Variants in DPYD observed in about 807,000 individuals in gnomAD.
DPYD encodes dihydropyrimidine dehydrogenase, also known as dihydropyrimidine dehydrogenase [NADP(+)].
DPYD carries 109 observed loss-of-function variants against 116.2 expected under a neutral mutation model. That is an observed-to-expected ratio of 0.94 (90% CI 0.80 to 1.10). The LOEUF is 1.10. Among genes scored for constraint, DPYD ranks in the 50% least tolerant of loss-of-function variants. DPYD has a pLI of 0.00. For missense variants in DPYD, 1,302 were observed against 1,254.5 expected (o/e 1.04, Z -0.57); for synonymous variants, 440 against 432.0 (o/e 1.02, Z -0.23).
At chr1:97,333,648 G>A (rs1329223184) in intron 16 of DPYD, among the ~76,000 whole-genome samples, 1 of 149,402 alleles carries the variant, frequency 6.7e-6, no homozygotes, top group Non-Finnish European at 1.5e-5. Context: ...AGCCTCCCGA[G>A]TAGCCGGGAT....
chr1:97,458,462 A>C (rs977801290), intron 13 of DPYD, among the ~76,000 whole-genome samples: 1 of 152,170 alleles, frequency 6.6e-6, no homozygotes, highest in African/African-American at 2.4e-5. Context: ...AATTTCTGAG[A>C]GATCAGAAAT....
intron 13 of DPYD, among the ~76,000 whole-genome samples, chr1:97,468,308 T>C (rs556197359): frequency 1.3e-5 from 2 of 152,350 alleles, no homozygotes; most frequent in South Asian, 4.1e-4. Context: ...CCCTTCAAAA[T>C]TCATATTTTA....
chr1:97,271,778 T>C (rs59057408), intron 18 of DPYD, among the ~76,000 whole-genome samples: 163 of 152,266 alleles, frequency 1.1e-3, no homozygotes, highest in African/African-American at 3.8e-3. Context: ...TGGTGAACTA[T>C]TGAATCACAA....
chr1:97,315,957 C>G (rs1356597718), intron 16 of DPYD, among the ~76,000 whole-genome samples: 2 of 151,940 alleles, frequency 1.3e-5, no homozygotes, highest in Admixed American at 6.6e-5. Flanking sequence ...CAGAGACATC[C>G]TTAAAGAGTT....
chr1:97,266,574 C>A (rs1200940118), intron 18 of DPYD, among the ~76,000 whole-genome samples: 1 of 152,070 alleles, frequency 6.6e-6, no homozygotes, highest in African/African-American at 2.4e-5. Context: ...TACATGTGCA[C>A]AACGGGCAGG....
intron 11 of DPYD, among the ~76,000 whole-genome samples, chr1:97,552,600 T>C (rs983786461): frequency 1.3e-5 from 2 of 152,124 alleles, no homozygotes; most frequent in Non-Finnish European, 2.9e-5. Context: ...ATGTATACTT[T>C]TAAAAATAAG....
intron 8 of DPYD, among the ~76,000 whole-genome samples, chr1:97,652,613 G>T (rs1265777750): frequency 6.6e-6 from 1 of 152,148 alleles, no homozygotes. Flanking sequence ...ATATTATCAA[G>T]ATTTCATTCA....
At chr1:97,286,729 G>T (rs1665714148) in intron 18 of DPYD, among the ~76,000 whole-genome samples, 1 of 152,108 alleles carries the variant, frequency 6.6e-6, no homozygotes, top group African/African-American at 2.4e-5. Context: ...TGAGGCTTCT[G>T]CATTCTTCAC....
intron 11 of DPYD, among the ~76,000 whole-genome samples, chr1:97,560,845 C>T (rs1055926204): frequency 6.6e-6 from 1 of 152,022 alleles, no homozygotes; most frequent in Non-Finnish European, 1.5e-5. Flanking sequence ...TGATGAGATG[C>T]CATCAGAGCT....
chr1:97,171,289 A>G (rs1353621513), intron 20 of DPYD, among the ~76,000 whole-genome samples: 1 of 152,106 alleles, frequency 6.6e-6, no homozygotes, highest in Admixed American at 6.6e-5. Flanking sequence ...AATTTATCCT[A>G]AGTTCACTGA....
intron 14 of DPYD, among the ~76,000 whole-genome samples, chr1:97,394,620 T>C (rs1490108744): frequency 6.6e-6 from 1 of 152,012 alleles, no homozygotes; most frequent in Admixed American, 6.6e-5. Context: ...TACCAAAATA[T>C]GAACACAGAA....
At chr1:97,716,417 G>A (rs1438823553) in intron 5 of DPYD, among the ~76,000 whole-genome samples, 2 of 151,966 alleles carry the variant, frequency 1.3e-5, no homozygotes, top group Admixed American at 1.3e-4. Context: ...GTGAATGGAT[G>A]CATAAATAGA....
At position 97,321,541 on chromosome 1, in the gene DPYD, C is replaced by A. The variant is rs1473562413; in HGVS notation, c.2059-15244G>T. 3.3e-5 allele frequency among the ~76,000 whole-genome samples: 4 copies of A among 119,436 alleles called. No homozygotes were observed. The South Asian group carries it at 1.4e-3, about 43-fold the overall frequency. The allele number at this position is 119,436 out of a possible 152,430, so 78.4% of individuals were successfully genotyped here. A position where few individuals can be genotyped will look rare whatever the true frequency, so the allele number is the denominator to read the frequency against. On this transcript the variant is annotated intron_variant, in intron 16 of 22. Transcript: ENST00000370192. ...AATCAAAACCACAATGAGATACCATCTCACACCAGTTAGAATGGCGATCAT... is the reference window on the plus strand; with the variant it reads ...AATCAAAACCACAATGAGATACCATATCACACCAGTTAGAATGGCGATCAT...
chr1:97,502,341 G>C (rs1356517696), intron 13 of DPYD, among the ~76,000 whole-genome samples: 2 of 151,882 alleles, frequency 1.3e-5, no homozygotes, highest in East Asian at 3.9e-4. Context: ...TGAATGTAAG[G>C]GCCTGAAAAT....
intron 12 of DPYD, among the ~76,000 whole-genome samples, chr1:97,530,211 T>TTC (rs1557776592): frequency 4.4e-5 from 3 of 68,840 alleles, no homozygotes; most frequent in African/African-American, 1.7e-4. Flanking sequence ...TTTCTTTTTT[T>TTC]TTCTTTTTTT....
At chr1:97,176,361 GAGA>G (rs1657260147) in intron 20 of DPYD, among the ~76,000 whole-genome samples, 1 of 152,166 alleles carries the variant, frequency 6.6e-6, no homozygotes, top group Non-Finnish European at 1.5e-5. Context: ...TATGGAGATG[GAGA>G]AGGTGTGGAG....
At chr1:97,161,134 C>T (rs2101744075) in intron 20 of DPYD, among the ~76,000 whole-genome samples, 1 of 152,272 alleles carries the variant, frequency 6.6e-6, no homozygotes, top group South Asian at 2.1e-4. Flanking sequence ...TTAGAAACAA[C>T]AGCAGATTAG....
chr1:97,119,664 T>G (rs750882522), intron 20 of DPYD, among the ~76,000 whole-genome samples: 3 of 152,204 alleles, frequency 2.0e-5, no homozygotes, highest in Non-Finnish European at 2.9e-5. Flanking sequence ...CAGGAACTAC[T>G]GACCCCTCTG....
At position 97,257,452 on chromosome 1, in the gene DPYD, T is replaced by TATATATATATAGAG. The variant is rs375490078; in HGVS notation, c.2300-22459_2300-22458insCTCTATATATATAT. Among the ~76,000 whole-genome samples, 553 of 126,420 alleles carry TATATATATATAGAG rather than the reference T, an allele frequency of 4.4e-3. 6 individuals are homozygous for TATATATATATAGAG. The highest frequency in any genetic ancestry group is 0.017 in the African/African-American group (524 of 31,754). 82.9% of individuals were successfully genotyped at this position (126,420 alleles called of 152,430 possible). A position where few individuals can be genotyped will look rare whatever the true frequency, so the allele number is the denominator to read the frequency against. On this transcript the variant is annotated intron_variant, in intron 18 of 22. Transcript: ENST00000370192. ...ATACATACGTATATATATATATATA[T>TATATATATATAGAG]AGAGAGAGAGAAAGAGAGAGAGAGC... is the stretch of plus-strand genomic sequence containing the variant.
Sources: gnomAD v4.1 joint callset for allele counts (sites outside exome capture counted in the v4.1 genomes callset) on GRCh38, gnomAD v4.1.1 for gene constraint, MANE v1.5 for transcripts, NCBI Gene and HGNC (gene_info 2026-07-23, HGNC 2026-07-21) for gene names.